The following TIAM2 variants were observed in gnomAD, a reference collection of about 807,000 sequenced individuals.
TIAM2 encodes TIAM Rac1 associated GEF 2, also known as rho guanine nucleotide exchange factor TIAM2.
A neutral mutation model predicts 152.9 loss-of-function variants in TIAM2; 80 were observed. That is an observed-to-expected ratio of 0.52 (90% CI 0.44 to 0.63). The LOEUF is 0.63. Ranked by LOEUF, TIAM2 falls within the 30% of genes least tolerant of loss-of-function variation. The pLI is 0.00. For missense variants in TIAM2, 1,965 were observed against 2,120.1 expected (o/e 0.93, Z 1.44); for synonymous variants, 804 against 838.0 (o/e 0.96, Z 0.70).
chr6:155,104,523 C>A (rs1224745225), intron 2 of TIAM2, among the ~76,000 whole-genome samples: 4 of 152,056 alleles, frequency 2.6e-5, no homozygotes, highest in Admixed American at 6.6e-5. Context: ...TTTGGGAGGC[C>A]AAGGTGGGCA....
At chr6:155,144,554 T>G in intron 5 of TIAM2, 52 bp from the exon 6 acceptor site, 1 of 1,440,514 alleles carries the variant, frequency 6.9e-7, no homozygotes, top group Non-Finnish European at 9.1e-7. Flanking sequence ...CCCAGTCCTT[T>G]CCTGCATCTC....
At position 155,130,415 on chromosome 6, in the gene TIAM2, C is replaced by G; in HGVS notation, c.1192C>G (p.Gln398Glu). Residue 398 changes from glutamine (Q) to glutamate (E), a missense_variant and splice_region_variant, in exon 4 of 27, where the codon CAG (glutamine) becomes GAG (glutamate). Around this residue, in one of 3 missense-constraint regions of TIAM2, gnomAD observed 1,025 missense variants for 1,119.4 expected, o/e 0.92. Transcript: ENST00000682666. ...GSLSRKKRKL[Q>E]EPRSKEGSDY... ...CCTCTCAAGGAAGAAAAGGAAACTCCAGGTGAGCATACCTTAGAGCAGAGG... is the reference window on the plus strand; with the variant it reads ...CCTCTCAAGGAAGAAAAGGAAACTCGAGGTGAGCATACCTTAGAGCAGAGG... 3 of 1,612,578 alleles carry G rather than the reference C, an allele frequency of 1.9e-6. No individual in the cohort carries two copies. Among genetic ancestry groups the G allele is most frequent in the Non-Finnish European group, 2.5e-6 (3 of 1,179,556 alleles).
At position 155,249,935 on chromosome 6, in the gene TIAM2, A is replaced by G. The variant is rs116735982; in HGVS notation, c.3917A>G (p.Gln1306Arg). 87 of 1,614,134 alleles carry G rather than the reference A, an allele frequency of 5.4e-5. No homozygotes were observed. The East Asian group carries it at 1.9e-3, about 35-fold the overall frequency. Residue 1306 changes from glutamine to arginine, a missense_variant, in exon 21 of 27, where the codon CAG becomes CGG. By Grantham distance (43) the Gln-to-Arg change is conservative. Coordinates refer to ENST00000682666, the MANE Select transcript of TIAM2 (RefSeq NM_012454.4). ...GAGGATTATGGGACCGTGTTTGACC[A>G]GCTAGTAGCTGAGCAGAGCGGAACA... is the stretch of plus-strand genomic sequence containing the variant. ...IYEDYGTVFDQLVAEQSGTEK... is the reference protein window; with the variant it reads ...IYEDYGTVFDRLVAEQSGTEK...
intron 7 of TIAM2, among the ~76,000 whole-genome samples, chr6:155,153,586 T>A (rs1780027386): frequency 6.6e-6 from 1 of 151,572 alleles, no homozygotes. Context: ...TGTCCTTGCA[T>A]CCTTTGTCAG....
chr6:155,240,650 G>A lies in TIAM2; in HGVS notation c.3289G>A (p.Ala1097Thr), dbSNP rs1249799101. ...GTCTCTGGCCCGCCACCTGTCTGAT[G>A]CAGACCGCCTCCGCAAAGTCATCCA... ...PRSLARHLSD[A>T]DRLRKVIQEL... Residue 1097 changes from alanine to threonine, a missense_variant, in exon 16 of 27, where the codon GCA (alanine) becomes ACA (threonine). Physicochemically the swap from Ala to Thr is moderately conservative, Grantham distance 58. Around this residue, in one of 3 missense-constraint regions of TIAM2, gnomAD observed 935 missense variants for 980.0 expected, o/e 0.95. Coordinates refer to ENST00000682666, the MANE Select transcript of TIAM2 (RefSeq NM_012454.4). 1 of 1,613,998 alleles carries A rather than the reference G, an allele frequency of 6.2e-7. No individual in the cohort carries two copies.
At chr6:155,056,167 C>CTTTTT (rs763205169) in intron 1 of TIAM2, among the ~76,000 whole-genome samples, 57 of 98,614 alleles carry the variant, frequency 5.8e-4, no homozygotes, top group African/African-American at 1.2e-3. Context: ...TATTGTTCTT[C>CTTTTT]TTTTTTTTTT....
intron 9 of TIAM2, among the ~76,000 whole-genome samples, chr6:155,167,982 G>A (rs1161823322): frequency 6.6e-6 from 1 of 152,092 alleles, no homozygotes; most frequent in Non-Finnish European, 1.5e-5. Context: ...GTGGTAATTT[G>A]TTCTCAACAT....
At chr6:155,143,201 C>T (rs1036150777) in intron 5 of TIAM2, among the ~76,000 whole-genome samples, 2 of 152,132 alleles carry the variant, frequency 1.3e-5, no homozygotes, top group Admixed American at 1.3e-4. Context: ...TTATTGGATA[C>T]AGATTTGAGG....
chr6:155,128,657 C>T (rs1028599629), intron 3 of TIAM2, among the ~76,000 whole-genome samples: 3 of 150,032 alleles, frequency 2.0e-5, no homozygotes, highest in Admixed American at 1.3e-4. Flanking sequence ...CCCAGGAGTT[C>T]AAGACCAGCC....
chr6:155,244,891 CTATTTATTGTCCTGTGACTA>C (rs2115326331), intron 18 of TIAM2, 108 bp downstream of exon 18: 2 of 1,315,308 alleles, frequency 1.5e-6, no homozygotes, highest in South Asian at 1.6e-5. Flanking sequence ...TGACTATTGA[CTATTTATTGTCCTGTGACTA>C]TTTCCTTGCA....
At position 155,129,666 on chromosome 6, in the gene TIAM2, C is replaced by T. The variant is rs758776879; in HGVS notation, c.443C>T (p.Ala148Val). Residue 148 changes from alanine (A) to valine (V), a missense_variant, in exon 4 of 27, where the codon GCC becomes GTC. Coordinates refer to ENST00000682666, the MANE Select transcript of TIAM2 (RefSeq NM_012454.4). This position sits in a 1 kb window ranked among gnomAD's most constrained non-coding sequence, Gnocchi z 4.8. ...TGCTACGGGAGGAATGAGAGCATTG[C>T]CTCCACCCCACCGGGCGAAGACCGC... ...LNCYGRNESI[A>V]STPPGEDRKS... 4 of 1,614,100 alleles carry T rather than the reference C, an allele frequency of 2.5e-6. No individual in the cohort carries two copies. Among genetic ancestry groups the T allele is most frequent in the Non-Finnish European group, 2.5e-6 (3 of 1,180,026 alleles).
chr6:155,035,627 A>C (rs1421928223), intron 1 of TIAM2, among the ~76,000 whole-genome samples: 1 of 152,228 alleles, frequency 6.6e-6, no homozygotes, highest in East Asian at 1.9e-4. Context: ...AGGTCTAAGC[A>C]ATTTGAAATG....
At chr6:155,212,328 A>T (rs1222591857) in intron 15 of TIAM2, among the ~76,000 whole-genome samples, 3 of 152,144 alleles carry the variant, frequency 2.0e-5, no homozygotes, top group Non-Finnish European at 4.4e-5. Flanking sequence ...GGAGGCTTCT[A>T]CTTCATCCAC....
intron 1 of TIAM2, among the ~76,000 whole-genome samples, chr6:154,999,385 T>G (rs1398085252): frequency 6.6e-6 from 1 of 151,592 alleles, no homozygotes; most frequent in Admixed American, 6.6e-5. Context: ...TTTTGTATTT[T>G]TAGTAGAGAT....
At chr6:155,000,400 A>C (rs938150931) in intron 1 of TIAM2, among the ~76,000 whole-genome samples, 16 of 152,180 alleles carry the variant, frequency 1.1e-4, no homozygotes, top group African/African-American at 3.6e-4. Context: ...GCGTGGTGGC[A>C]CATGCCTGTA....
intron 15 of TIAM2, among the ~76,000 whole-genome samples, chr6:155,236,224 C>G (rs1277254547): frequency 2.0e-5 from 3 of 151,928 alleles, no homozygotes; most frequent in Non-Finnish European, 4.4e-5. Context: ...GTCCACATAC[C>G]TCAGTGGGGA....
chr6:155,244,056 G>A lies in TIAM2; in HGVS notation c.3394G>A (p.Glu1132Lys), dbSNP rs1362473955. 6.2e-7 allele frequency: 1 copy of A among 1,613,990 alleles called. No individual in the cohort carries two copies. ...ATTATACTTGGAGCCACTTCAGAAT[G>A]AGACCTTTCTTACCCAAGATGAGGT... ...FELYLEPLQNETFLTQDEMES... is the reference protein window; with the variant it reads ...FELYLEPLQNKTFLTQDEMES... The change falls in exon 17 of 27, where the codon GAG (glutamate) becomes AAG (lysine). Residue 1132 changes from glutamate to lysine, a missense_variant. Physicochemically the swap from Glu to Lys is moderately conservative, Grantham distance 56 (BLOSUM62 1). Transcript: ENST00000682666.
rs1157396227 is a variant in TIAM2 at position 155,257,353 on chromosome 6, A to AGCAGGTATCAAATGATTTAG, written c.*234_*253dup. The AGCAGGTATCAAATGATTTAG allele has an allele frequency of 1.9e-6, 1 of 523,752 alleles. No homozygotes were observed. The allele number at this position is 523,752 out of a possible 1,614,324, so 32.4% of individuals were successfully genotyped here. A position where few individuals can be genotyped will look rare whatever the true frequency, so the allele number is the denominator to read the frequency against. On this transcript the variant is annotated 3_prime_UTR_variant, in exon 27 of 27. Coordinates refer to ENST00000682666, the MANE Select transcript of TIAM2 (RefSeq NM_012454.4). Reference sequence around the variant, plus strand: ...AATTACTTAGTTTATATCCACTTTGAGCAGGTATCAAATGATTTAGGATCC... The same window carrying AGCAGGTATCAAATGATTTAG: ...AATTACTTAGTTTATATCCACTTTGAGCAGGTATCAAATGATTTAGGCAGGTATCAAATGATTTAGGATCC...
chr6:155,113,511 A>G (rs1348841201), intron 2 of TIAM2, among the ~76,000 whole-genome samples: 6 of 152,148 alleles, frequency 3.9e-5, no homozygotes, highest in Non-Finnish European at 8.8e-5. Flanking sequence ...ACTTGAGGTC[A>G]GGAGTTCGAG....
Sources: gnomAD v4.1 joint callset for allele counts (sites outside exome capture counted in the v4.1 genomes callset) on GRCh38, gnomAD v4.1.1 for gene constraint, gnomAD v4.1.1 regional missense constraint, Gnocchi (gnomAD v3.1) non-coding constraint, MANE v1.5 for transcripts, NCBI Gene and HGNC (gene_info 2026-07-23, HGNC 2026-07-21) for gene names.